Variants in SHC4 observed in about 807,000 individuals in gnomAD.
SHC4 encodes SHC adaptor protein 4.
A neutral mutation model predicts 69.4 loss-of-function variants in SHC4; 41 were observed. The ratio of observed to expected loss-of-function variants is 0.59; its 90% CI spans 0.46 to 0.77. The LOEUF (loss-of-function observed/expected upper bound fraction) is 0.77, where lower values mean the gene tolerates loss of function less well. SHC4 is among the 30% of genes least tolerant of loss of function. The pLI is 0.00. For missense variants in SHC4, 777 were observed against 783.8 expected, an observed-to-expected ratio of 0.99 and a Z score of 0.10; for synonymous variants, 318 against 299.3, an observed-to-expected ratio of 1.06 and a Z score of -0.64.
At chr15:48,833,297 T>C (rs905519720) in intron 11 of SHC4, among the ~76,000 whole-genome samples, 1 of 152,128 alleles carries the variant, frequency 6.6e-6, no homozygotes, top group African/African-American at 2.4e-5. Flanking sequence ...TTGCCAGTTT[T>C]TCAGGAACTT....
intron 2 of SHC4, among the ~76,000 whole-genome samples, chr15:48,916,345 G>T (rs1372572096): frequency 6.7e-6 from 1 of 149,872 alleles, no homozygotes. Flanking sequence ...GTCATTAAAG[G>T]CATTTGTCAC....
intron 4 of SHC4, among the ~76,000 whole-genome samples, chr15:48,873,613 C>T (rs569974099): frequency 5.9e-5 from 9 of 152,200 alleles, no homozygotes; most frequent in African/African-American, 1.9e-4. Flanking sequence ...GCGTGGTGGG[C>T]ACCTGTAGTC....
chr15:48,961,848 G>T (rs1408625796), intron 1 of SHC4, among the ~76,000 whole-genome samples: 1 of 152,220 alleles, frequency 6.6e-6, no homozygotes, highest in Non-Finnish European at 1.5e-5. Flanking sequence ...ACTTGCTGCA[G>T]CGTAGGCAGT....
At chr15:48,877,398 TAC>T (rs770181511) in intron 4 of SHC4, 886 of 953,776 alleles carry the variant, frequency 9.3e-4, no homozygotes, top group South Asian at 7.0e-3. Flanking sequence ...CCTGTAAGTA[TAC>T]ACAGTCATAT....
intron 1 of SHC4, among the ~76,000 whole-genome samples, chr15:48,939,490 A>G (rs1292547823): frequency 1.3e-5 from 2 of 152,232 alleles, no homozygotes; most frequent in East Asian, 3.8e-4. Context: ...CAGGGGCTAC[A>G]TTTCATTAAT....
At chr15:48,848,462 T>G (rs1367248780) in intron 9 of SHC4, among the ~76,000 whole-genome samples, 2 of 152,216 alleles carry the variant, frequency 1.3e-5, no homozygotes, top group African/African-American at 4.8e-5. Context: ...TTCTATTGTT[T>G]TATCTGTCAT....
At chr15:48,859,306 G>GGGGT (rs1450081822) in intron 6 of SHC4, among the ~76,000 whole-genome samples, 7 of 145,826 alleles carry the variant, frequency 4.8e-5, no homozygotes, top group Non-Finnish European at 9.0e-5. Flanking sequence ...ATTTGAAAGG[G>GGGGT]GTGTGTGTGT....
At chr15:48,899,045 A>G (rs1422591743) in intron 2 of SHC4, among the ~76,000 whole-genome samples, 4 of 118,364 alleles carry the variant, frequency 3.4e-5, no homozygotes, top group African/African-American at 6.7e-5. Flanking sequence ...GCTCATTTAG[A>G]AAAAAAAAAA....
At chr15:48,830,766 A>T (rs1319926166) in intron 11 of SHC4, among the ~76,000 whole-genome samples, 1 of 152,238 alleles carries the variant, frequency 6.6e-6, no homozygotes, top group Non-Finnish European at 1.5e-5. Context: ...CGTACGAGCA[A>T]ATCTATGATG....
intron 4 of SHC4, among the ~76,000 whole-genome samples, chr15:48,882,269 C>T (rs1899960460): frequency 6.6e-6 from 1 of 152,026 alleles, no homozygotes; most frequent in South Asian, 2.1e-4. Context: ...TTCCCCTAGG[C>T]CTGCAGGAAA....
intron 1 of SHC4, among the ~76,000 whole-genome samples, chr15:48,960,086 C>A (rs1378170509): frequency 6.6e-6 from 1 of 152,188 alleles, no homozygotes; most frequent in Non-Finnish European, 1.5e-5. Context: ...TCACGGATAT[C>A]GGCAATCTTG....
At chr15:48,835,417 A>G (rs9920087) in intron 10 of SHC4, among the ~76,000 whole-genome samples, 129,028 of 152,228 alleles carry the variant, frequency 0.85, 54,937 homozygotes, top group East Asian at 1. Flanking sequence ...GTTTCCAAAC[A>G]CTTTGAAAAT....
chr15:48,878,444 G>T, intron 4 of SHC4: 1 of 1,613,188 alleles, frequency 6.2e-7, no homozygotes, highest in Non-Finnish European at 8.5e-7. Flanking sequence ...CCAGGTGGCG[G>T]GCGCAGACTT....
At chr15:48,832,170 G>T (rs1009519178) in intron 11 of SHC4, among the ~76,000 whole-genome samples, 5 of 152,160 alleles carry the variant, frequency 3.3e-5, no homozygotes, top group African/African-American at 1.2e-4. Flanking sequence ...TACTTGGGAG[G>T]CTGAGGCAGG....
chr15:48,887,480 C>G (rs1305525553), intron 3 of SHC4, among the ~76,000 whole-genome samples: 1 of 152,026 alleles, frequency 6.6e-6, no homozygotes, highest in African/African-American at 2.4e-5. Flanking sequence ...CCACCGCATA[C>G]CAAAACTTAT....
chr15:48,939,950 G>A (rs1176369004), intron 1 of SHC4, among the ~76,000 whole-genome samples: 1 of 152,240 alleles, frequency 6.6e-6, no homozygotes, highest in Non-Finnish European at 1.5e-5. Context: ...AAGCCCATCT[G>A]GTATTCCAAG....
chr15:48,922,533 C>A (rs1230318568), intron 2 of SHC4, among the ~76,000 whole-genome samples: 22 of 152,224 alleles, frequency 1.4e-4, no homozygotes, highest in Admixed American at 1.4e-3. Context: ...GCTGCATCCT[C>A]ACATGCTCCC....
chr15:48,859,849 T>G (rs1483441032), intron 6 of SHC4, among the ~76,000 whole-genome samples: 1 of 152,176 alleles, frequency 6.6e-6, no homozygotes, highest in East Asian at 1.9e-4. Context: ...TGGAGATGTA[T>G]CCTCCAGTTG....
At chr15:48,838,137 T>C (rs1349160635) in intron 10 of SHC4, among the ~76,000 whole-genome samples, 2 of 152,222 alleles carry the variant, frequency 1.3e-5, no homozygotes, top group Non-Finnish European at 2.9e-5. Context: ...ATAGTGAAGA[T>C]TGTATGTTTA....
Sources: gnomAD v4.1 joint callset for allele counts (sites outside exome capture counted in the v4.1 genomes callset) on GRCh38, gnomAD v4.1.1 for gene constraint, MANE v1.5 for transcripts, NCBI Gene and HGNC (gene_info 2026-07-23, HGNC 2026-07-21) for gene names.